Variants in EMB observed in about 807,000 individuals in gnomAD.
EMB encodes embigin homolog.
In EMB, 31 loss-of-function variants were observed where a neutral mutation model predicts 41.4. The ratio of observed to expected loss-of-function variants is 0.75; its 90% CI spans 0.56 to 1.01. The LOEUF is 1.01. EMB is among the 50% of genes least tolerant of loss of function. EMB has a pLI of 0.00. For synonymous variants in EMB, 137 were observed against 140.4 expected, an observed-to-expected ratio of 0.98 and a Z score of 0.17; for missense variants, 379 against 388.3, an observed-to-expected ratio of 0.98 and a Z score of 0.20.
At chr5:50,428,596 GAGA>G in intron 1 of EMB, 4 of 989,206 alleles carry the variant, frequency 4.0e-6, no homozygotes, top group Non-Finnish European at 4.8e-6. Context: ...GAGGCAGAGA[GAGA>G]AGATGAAAGA....
chr5:50,397,349 T>C lies in EMB; in HGVS notation c.*1924A>G, dbSNP rs1232117184. On this transcript the variant is annotated 3_prime_UTR_variant, in exon 9 of 9. Coordinates refer to ENST00000303221, the MANE Select transcript of EMB (RefSeq NM_198449.3). ...CTTTTCCTATTTAAGGTTACTGAGA[T>C]AAATTGTCTTTGCTAGAAAAAAATA... 3 of 152,118 alleles carry C rather than the reference T, an allele frequency of 2.0e-5. No individual in the cohort carries two copies. The highest frequency in any genetic ancestry group is 1.3e-4 in the Admixed American group (2 of 15,254). 9.4% of individuals were successfully genotyped at this position (152,118 alleles called of 1,614,324 possible).
Position 50,396,714 on chromosome 5 carries a change from T to C in EMB, c.*2559A>G, listed in dbSNP as rs1290763223. 2 of 152,124 alleles carry C rather than the reference T, an allele frequency of 1.3e-5. No homozygotes were observed. The highest frequency in any genetic ancestry group is 4.8e-5 in the African/African-American group (2 of 41,420). The allele number at this position is 152,124 out of a possible 1,614,324, so 9.4% of individuals were successfully genotyped here. A position where few individuals can be genotyped will look rare whatever the true frequency, so the allele number is the denominator to read the frequency against. ...TTCCAAAGTTGCATAGTGAGGTTTG[T>C]GTTTGAGAAAGTGGACTCAGGCAGC... On this transcript the variant is annotated 3_prime_UTR_variant, in exon 9 of 9. Transcript: ENST00000303221.
chr5:50,408,382 C>G (rs1745281385), intron 4 of EMB, among the ~76,000 whole-genome samples: 1 of 152,038 alleles, frequency 6.6e-6, no homozygotes. Context: ...TTAGCAGTCA[C>G]AAACTTCCAG....
At chr5:50,419,146 C>A (rs528961854) in intron 2 of EMB, among the ~76,000 whole-genome samples, 207 of 152,308 alleles carry the variant, frequency 1.4e-3, no homozygotes, top group African/African-American at 4.8e-3. Flanking sequence ...ATCAGCCAGT[C>A]CCTGGCCCTG....
intron 2 of EMB, among the ~76,000 whole-genome samples, chr5:50,424,129 T>G (rs1379562677): frequency 6.6e-6 from 1 of 152,132 alleles, no homozygotes; most frequent in Non-Finnish European, 1.5e-5. Context: ...TAACACAATA[T>G]CAGTTAACGG....
chr5:50,442,355 C>G (rs1435985073), upstream of EMB, among the ~76,000 whole-genome samples: 1 of 151,974 alleles, frequency 6.6e-6, no homozygotes, highest in African/African-American at 2.4e-5. Flanking sequence ...ATTATATGCA[C>G]AAAACTTTGG....
In EMB at chr5:50,398,541, T is replaced by C. The variant is rs1284571511; in HGVS notation, c.*732A>G. On this transcript the variant is annotated 3_prime_UTR_variant, in exon 9 of 9. Transcript: ENST00000303221. ...GCACCCTAAAACATAAACAATGGTG[T>C]ACCTTATGAAGTTAAAAACCCTATT... is the stretch of plus-strand genomic sequence containing the variant. 1 of 152,020 alleles carries C rather than the reference T, an allele frequency of 6.6e-6. No individual in the cohort carries two copies. Among genetic ancestry groups the C allele is most frequent in the Non-Finnish European group, 1.5e-5 (1 of 67,970 alleles). The allele number at this position is 152,020 out of a possible 1,614,324, so 9.4% of individuals were successfully genotyped here.
intron 1 of EMB, among the ~76,000 whole-genome samples, 196 bp downstream of exon 1, chr5:50,440,844 G>A (rs1426183864): frequency 6.6e-6 from 1 of 152,100 alleles, no homozygotes; most frequent in African/African-American, 2.4e-5. Context: ...AGCCGCAGCA[G>A]TTTCAGGGTT....
chr5:50,397,955 TTTA>T lies in EMB; in HGVS notation c.*1315_*1317del, dbSNP rs904677505. ...GTGATACAATTTTCACTACCAAAAT[TTTA>T]TTATATTTTTCTTAGCCAATACATG... On this transcript the variant is annotated 3_prime_UTR_variant, in exon 9 of 9. Coordinates refer to ENST00000303221, the MANE Select transcript of EMB (RefSeq NM_198449.3). The T allele has an allele frequency of 6.6e-6, 1 of 151,946 alleles. No homozygotes were observed. Among genetic ancestry groups the T allele is most frequent in the Non-Finnish European group, 1.5e-5 (1 of 67,954 alleles). 9.4% of individuals were successfully genotyped at this position (151,946 alleles called of 1,614,324 possible).
intron 5 of EMB, 40 bp from the exon 6 acceptor site, chr5:50,403,494 A>G: frequency 6.3e-7 from 1 of 1,591,922 alleles, no homozygotes; most frequent in South Asian, 1.1e-5. Flanking sequence ...CTATCATAGC[A>G]CATAAAAGAT....
chr5:50,427,111 T>G (rs1745624084), intron 2 of EMB, among the ~76,000 whole-genome samples: 1 of 152,092 alleles, frequency 6.6e-6, no homozygotes, highest in Non-Finnish European at 1.5e-5. Context: ...TGCTAATGAG[T>G]TTTCTTCCAA....
intron 7 of EMB, among the ~76,000 whole-genome samples, chr5:50,401,693 T>C (rs765242332): frequency 6.6e-6 from 1 of 151,978 alleles, no homozygotes; most frequent in Non-Finnish European, 1.5e-5. Context: ...AGAGAACCTG[T>C]GGCACAATTT....
intron 2 of EMB, among the ~76,000 whole-genome samples, chr5:50,418,293 A>G (rs1169549332): frequency 6.6e-6 from 1 of 152,254 alleles, no homozygotes; most frequent in African/African-American, 2.4e-5. Context: ...CCAACACTAT[A>G]GTGGGGACCA....
At chr5:50,439,914 AC>A (rs754079080) in intron 1 of EMB, among the ~76,000 whole-genome samples, 1 of 152,122 alleles carries the variant, frequency 6.6e-6, no homozygotes. Flanking sequence ...TATTACCCTT[AC>A]TGGCTGGTAA....
intron 7 of EMB, among the ~76,000 whole-genome samples, chr5:50,401,013 G>A (rs762773684): frequency 1.3e-5 from 2 of 151,900 alleles, no homozygotes; most frequent in Non-Finnish European, 2.9e-5. Context: ...TGACTGTCAC[G>A]TTTGTTATAT....
chr5:50,404,771 T>A (rs1401570807), intron 5 of EMB, among the ~76,000 whole-genome samples: 1 of 151,294 alleles, frequency 6.6e-6, no homozygotes, highest in South Asian at 2.1e-4. Context: ...CATAAAGGAG[T>A]AGGAATGGCT....
At chr5:50,421,089 G>C (rs370432840) in intron 2 of EMB, among the ~76,000 whole-genome samples, 1 of 152,114 alleles carries the variant, frequency 6.6e-6, no homozygotes, top group East Asian at 1.9e-4. Context: ...AATAAAATGA[G>C]ATCTAAATCA....
At chr5:50,417,107 A>G (rs1190251850) in intron 2 of EMB, among the ~76,000 whole-genome samples, 2 of 152,078 alleles carry the variant, frequency 1.3e-5, no homozygotes, top group African/African-American at 4.8e-5. Flanking sequence ...TCCTGAGCCA[A>G]CCTTCTCGGG....
intron 1 of EMB, among the ~76,000 whole-genome samples, chr5:50,440,504 G>C (rs1745881389): frequency 8.1e-6 from 1 of 123,184 alleles, no homozygotes; most frequent in Non-Finnish European, 1.6e-5. Flanking sequence ...TTGCACTCCA[G>C]CCTGGGCAAC....
Sources: allele counts gnomAD v4.1 joint callset (sites outside exome capture counted in the v4.1 genomes callset), GRCh38; gene constraint gnomAD v4.1.1; transcripts MANE v1.5; gene names NCBI Gene and HGNC (gene_info 2026-07-23, HGNC 2026-07-21).